Variants in TMEM9 observed in about 807,000 individuals in gnomAD.
The protein encoded by TMEM9 is transmembrane protein 9, also known as proton-transporting V-type ATPase complex assembly regulator TMEM9.
In TMEM9, 13 loss-of-function variants were observed where a neutral mutation model predicts 22.8. The observed-to-expected ratio is 0.57, with a 90% CI of 0.37 to 0.91. The LOEUF (loss-of-function observed/expected upper bound fraction) is 0.91. Among genes scored for constraint, TMEM9 ranks in the 40% least tolerant of loss-of-function variants. The probability of loss-of-function intolerance (pLI) is 0.01; values close to 1 mark genes in which losing one functional copy is unlikely to be tolerated. For missense variants in TMEM9, 182 were observed against 238.1 expected (o/e 0.76, Z 1.55); for synonymous variants, 88 against 93.0 (o/e 0.95, Z 0.31).
At chr1:201,154,778 T>C (rs1296818487), upstream of TMEM9, among the ~76,000 whole-genome samples, 1 of 152,208 alleles carries the variant, frequency 6.6e-6, no homozygotes, top group Non-Finnish European at 1.5e-5. Context: ...CTTTATACAC[T>C]GTAAGCTAGT....
chr1:201,138,192 TG>T (rs1293370273), intron 4 of TMEM9, among the ~76,000 whole-genome samples: 1 of 152,218 alleles, frequency 6.6e-6, no homozygotes, highest in African/African-American at 2.4e-5. Context: ...TCCACTGCTC[TG>T]TATCTCAGGG....
intron 3 of TMEM9, 22 bp downstream of exon 3, chr1:201,146,718 C>A: frequency 6.2e-7 from 1 of 1,605,674 alleles, no homozygotes; most frequent in Non-Finnish European, 8.5e-7. Flanking sequence ...ATCCCACTGG[C>A]TTCCTGAGAC....
At chr1:201,142,897 C>T (rs1188046392) in intron 4 of TMEM9, among the ~76,000 whole-genome samples, 4 of 152,242 alleles carry the variant, frequency 2.6e-5, no homozygotes, top group Admixed American at 2.6e-4. Context: ...TTCCCCTAGA[C>T]CACCTGGGGA....
chr1:201,170,712 G>A (rs1404858231), intron 1 of TMEM9, among the ~76,000 whole-genome samples: 1 of 152,122 alleles, frequency 6.6e-6, no homozygotes, highest in African/African-American at 2.4e-5. Context: ...TAAACGCAAA[G>A]GGCAAGTGTA....
intron 1 of TMEM9, among the ~76,000 whole-genome samples, chr1:201,166,805 T>C (rs897559376): frequency 3.9e-5 from 6 of 152,322 alleles, no homozygotes; most frequent in African/African-American, 1.4e-4. Flanking sequence ...AGCCCCAGTG[T>C]ACAGCTGCAT....
At chr1:201,153,790 T>C (rs370899974) in intron 1 of TMEM9, 68 bp downstream of exon 1, 491 of 1,605,174 alleles carry the variant, frequency 3.1e-4, no homozygotes, top group Non-Finnish European at 4.0e-4. Context: ...TACCTCTGAG[T>C]CAGCCCTGTA....
At chr1:201,144,041 G>T in intron 3 of TMEM9, 90 bp from the exon 4 acceptor site, 1 of 1,456,436 alleles carries the variant, frequency 6.9e-7, no homozygotes, top group Non-Finnish European at 9.4e-7. Flanking sequence ...TGTCCGGCTG[G>T]CAGTGACTCC....
In TMEM9 at chr1:201,135,819, T is replaced by A; in HGVS notation, c.400-4A>T. ...CTGCTGCCATAGAGCGAGCATCCTGTAGTGGGAAGAAAAAAAGAGAAGATC... is the reference window on the plus strand; with the variant it reads ...CTGCTGCCATAGAGCGAGCATCCTGAAGTGGGAAGAAAAAAAGAGAAGATC... On this transcript the variant is annotated splice_region_variant and splice_polypyrimidine_tract_variant and intron_variant, in intron 4 of 4. Transcript: ENST00000367330. 1.9e-6 allele frequency: 3 copies of A among 1,589,742 alleles called. No homozygotes were observed. Among genetic ancestry groups the A allele is most frequent in the Admixed American group, 1.8e-5 (1 of 55,324 alleles).
chr1:201,170,558 G>C (rs1356437507), intron 1 of TMEM9, among the ~76,000 whole-genome samples: 1 of 152,074 alleles, frequency 6.6e-6, no homozygotes, highest in Non-Finnish European at 1.5e-5. Context: ...CTGAGAACAC[G>C]ACTCCCCTAG....
rs1019977658 is a variant in TMEM9 at position 201,146,722 on chromosome 1, C to T, written c.267+18G>A. On this transcript the variant is annotated intron_variant, in intron 3 of 4. Coordinates refer to ENST00000367330, the MANE Select transcript of TMEM9 (RefSeq NM_001288565.2). Reference sequence around the variant, plus strand: ...GGCGTGTGGGAATCCCACTGGCTTCCTGAGACCCTGGCGTTACCTTGATGG... The same window carrying T: ...GGCGTGTGGGAATCCCACTGGCTTCTTGAGACCCTGGCGTTACCTTGATGG... 2 of 1,613,218 alleles carry T rather than the reference C, an allele frequency of 1.2e-6. No individual in the cohort carries two copies. Among genetic ancestry groups the T allele is most frequent in the Non-Finnish European group, 8.5e-7 (1 of 1,179,150 alleles).
At chr1:201,156,438 C>A (rs969076797), upstream of TMEM9, among the ~76,000 whole-genome samples, 3 of 152,148 alleles carry the variant, frequency 2.0e-5, no homozygotes, top group African/African-American at 4.8e-5. Flanking sequence ...TGGTAGCAAG[C>A]ACCCTGTTGC....
At chr1:201,139,024 C>A (rs1184974651) in intron 4 of TMEM9, among the ~76,000 whole-genome samples, 2 of 152,250 alleles carry the variant, frequency 1.3e-5, no homozygotes, top group Non-Finnish European at 2.9e-5. Context: ...CTTCTCCACA[C>A]TGGAAGGACC....
Position 201,143,749 on chromosome 1 carries a change from C to T in TMEM9, c.399+71G>A, listed in dbSNP as rs1030695512. ...GGAGGTGGGACCTGGACCTAGGTGA[C>T]GCTCCTCTGGGTTTTGCCCTGGGGA... is the stretch of plus-strand genomic sequence containing the variant. On this transcript the variant is annotated intron_variant, in intron 4 of 4. Transcript: ENST00000367330. The T allele has an allele frequency of 1.1e-4, 163 of 1,546,146 alleles. 1 individual carries two copies. The South Asian group carries it at 1.4e-3, about 13-fold the overall frequency.
At chr1:201,157,823 A>G (rs1665841485), upstream of TMEM9, among the ~76,000 whole-genome samples, 1 of 152,064 alleles carries the variant, frequency 6.6e-6, no homozygotes, top group Non-Finnish European at 1.5e-5. Flanking sequence ...AATGGTGGAG[A>G]GGGGGCTTTG....
chr1:201,155,917 G>A (rs892685104), upstream of TMEM9, among the ~76,000 whole-genome samples: 5 of 152,204 alleles, frequency 3.3e-5, no homozygotes, highest in Admixed American at 3.3e-4. Context: ...GGCAATGTTA[G>A]CTCATTGTGG....
intron 1 of TMEM9, among the ~76,000 whole-genome samples, chr1:201,170,110 C>T (rs927992966): frequency 6.6e-6 from 1 of 152,148 alleles, no homozygotes; most frequent in African/African-American, 2.4e-5. Flanking sequence ...AAGGCAGAAA[C>T]CAGAGCTTCC....
At chr1:201,140,581 C>T (rs1469190796) in intron 4 of TMEM9, among the ~76,000 whole-genome samples, 1 of 152,168 alleles carries the variant, frequency 6.6e-6, no homozygotes. Flanking sequence ...CAGTTCTTTA[C>T]CCCCTGGGCA....
At chr1:201,155,451 T>C (rs1665760037), upstream of TMEM9, among the ~76,000 whole-genome samples, 1 of 152,214 alleles carries the variant, frequency 6.6e-6, no homozygotes, top group Non-Finnish European at 1.5e-5. Flanking sequence ...GGTGGGCACT[T>C]ATCTGGAGGC....
At position 201,137,471 on chromosome 1, in the gene TMEM9, A is replaced by AACACAC. The variant is rs144662228; in HGVS notation, c.400-1662_400-1657dup. 6.9e-4 allele frequency among the ~76,000 whole-genome samples: 101 copies of AACACAC among 146,660 alleles called. 1 individual carries two copies. The highest frequency in any genetic ancestry group is 4.9e-3 in the South Asian group (22 of 4,458). On this transcript the variant is annotated intron_variant, in intron 4 of 4. Transcript: ENST00000367330. ...AGGAATTATAGTTACCAAATTATCT[A>AACACAC]ACACACACACACACACACACACACA...
Sources: gnomAD v4.1 joint callset for allele counts (sites outside exome capture counted in the v4.1 genomes callset) on GRCh38, gnomAD v4.1.1 for gene constraint, MANE v1.5 for transcripts, NCBI Gene and HGNC (gene_info 2026-07-23, HGNC 2026-07-21) for gene names.